Variants in PRDM11 observed in about 807,000 individuals in gnomAD.
PRDM11 encodes the protein PR/SET domain 11, also known as PR domain-containing protein 11.
PRDM11 carries 20 observed loss-of-function variants against 97.8 expected under a neutral mutation model. That is an observed-to-expected ratio of 0.20 (90% CI 0.14 to 0.30). The LOEUF is 0.30. Ranked by LOEUF, PRDM11 falls within the 10% of genes least tolerant of loss-of-function variation. The probability of loss-of-function intolerance (pLI) is 1.00; values close to 1 mark genes in which losing one functional copy is unlikely to be tolerated. For synonymous variants in PRDM11, 599 were observed against 637.7 expected, an observed-to-expected ratio of 0.94 and a Z score of 0.91; for missense variants, 1,139 against 1,555.2, an observed-to-expected ratio of 0.73 and a Z score of 4.50.
At chr11:45,101,202 T>TTCCAGTTA (rs1479690109) in intron 1 of PRDM11, among the ~76,000 whole-genome samples, 1 of 152,146 alleles carries the variant, frequency 6.6e-6, no homozygotes, top group East Asian at 1.9e-4. Context: ...GAGGGGGTGC[T>TTCCAGTTA]GTCAGGCTGC....
intron 1 of PRDM11, among the ~76,000 whole-genome samples, chr11:45,124,196 G>T (rs1348100756): frequency 2.0e-5 from 3 of 151,942 alleles, no homozygotes; most frequent in African/African-American, 7.3e-5. Context: ...CATTGATTTT[G>T]TATCCTGAGA....
rs1158549287 is a variant in PRDM11, at chr11:45,178,655, ATATT to A, written c.-6-3103_-6-3100del. 3.9e-5 allele frequency among the ~76,000 whole-genome samples: 6 copies of A among 152,346 alleles called. No individual in the cohort carries two copies. In the East Asian group the frequency reaches 7.7e-4, roughly 20 times the overall value. ...AGATATGAAGGGGAACATTTGGTGA[ATATT>A]TACTGAGAATATGCTGTGTGCTGGG... On this transcript the variant is annotated intron_variant, in intron 1 of 7. Coordinates refer to ENST00000683152, the MANE Select transcript of PRDM11 (RefSeq NM_001384648.1).
intron 6 of PRDM11, among the ~76,000 whole-genome samples, chr11:45,222,303 T>C (rs959587828): frequency 2.0e-5 from 3 of 152,218 alleles, no homozygotes; most frequent in African/African-American, 7.2e-5. Flanking sequence ...ACAAAGATCA[T>C]ACTAAGAAAT....
At chr11:45,164,551 T>C (rs997892718) in intron 1 of PRDM11, among the ~76,000 whole-genome samples, 3 of 152,230 alleles carry the variant, frequency 2.0e-5, no homozygotes, top group African/African-American at 7.2e-5. Flanking sequence ...TGAGCCCCTC[T>C]TGCAGGTTCT....
At chr11:45,140,344 CAG>C (rs1364585788) in intron 1 of PRDM11, among the ~76,000 whole-genome samples, 1 of 152,172 alleles carries the variant, frequency 6.6e-6, no homozygotes, top group African/African-American at 2.4e-5. Context: ...TGTAGTCCCC[CAG>C]GAGTCAAATA....
chr11:45,175,911 A>G (rs1852316007), intron 1 of PRDM11, among the ~76,000 whole-genome samples: 1 of 152,190 alleles, frequency 6.6e-6, no homozygotes, highest in Admixed American at 6.5e-5. Context: ...TTGAGTATTA[A>G]TGTCTTCATG....
At chr11:45,138,438 T>C (rs1485440148) in intron 1 of PRDM11, among the ~76,000 whole-genome samples, 1 of 152,134 alleles carries the variant, frequency 6.6e-6, no homozygotes, top group Non-Finnish European at 1.5e-5. Flanking sequence ...TATGGCGGCA[T>C]GTGCCTGTAG....
intron 1 of PRDM11, among the ~76,000 whole-genome samples, chr11:45,126,275 C>T (rs1356434196): frequency 6.6e-6 from 1 of 152,022 alleles, no homozygotes; most frequent in African/African-American, 2.4e-5. Flanking sequence ...TCTGATGAGT[C>T]TTGACTCTTT....
chr11:45,103,374 A>G (rs1852011565), intron 1 of PRDM11, among the ~76,000 whole-genome samples: 1 of 152,166 alleles, frequency 6.6e-6, no homozygotes, highest in Admixed American at 6.5e-5. Flanking sequence ...GAGGAAGATG[A>G]GAGGGAGATG....
chr11:45,220,188 G>A (rs953779060), intron 6 of PRDM11, among the ~76,000 whole-genome samples: 11 of 152,136 alleles, frequency 7.2e-5, no homozygotes, highest in African/African-American at 2.2e-4. Flanking sequence ...CTCTACCACC[G>A]TCAGAGGCCT....
intron 1 of PRDM11, among the ~76,000 whole-genome samples, chr11:45,110,911 A>G (rs1852163711): frequency 6.6e-6 from 1 of 152,130 alleles, no homozygotes; most frequent in Non-Finnish European, 1.5e-5. Flanking sequence ...CCAGATTCCA[A>G]TCTAAGAGTC....
Position 45,181,804 on chromosome 11 carries a change from A to T in PRDM11, c.38A>T (p.Asn13Ile). 1 of 1,613,478 alleles carries T rather than the reference A, an allele frequency of 6.2e-7. No homozygotes were observed. The highest frequency in any genetic ancestry group is 2.2e-5 in the East Asian group (1 of 44,846). Residue 13 changes from asparagine (N) to isoleucine (I), a missense_variant, in exon 2 of 8, where the codon AAT becomes ATT. Coordinates refer to ENST00000683152, the MANE Select transcript of PRDM11 (RefSeq NM_001384648.1). ...ENMKECLAQT[N>I]AAVGDMVTVV... ...ATGAAGGAGTGCTTGGCCCAGACCA[A>T]TGCAGCCGTGGGGGATATGGTGACG...
chr11:45,219,902 G>A lies in PRDM11; in HGVS notation c.742+145G>A. On this transcript the variant is annotated intron_variant, in intron 6 of 7. Transcript: ENST00000683152. This position sits in a 1 kb window ranked among gnomAD's most constrained non-coding sequence, Gnocchi z 4.2. Reference sequence around the variant, plus strand: ...TCGGGGGAACAGATGGTTGAGGTCTGAGCAGCAGCTCTGGGCCAAGCAGGG... The same window carrying A: ...TCGGGGGAACAGATGGTTGAGGTCTAAGCAGCAGCTCTGGGCCAAGCAGGG... The A allele has an allele frequency of 1.9e-6, 2 of 1,054,096 alleles. No individual in the cohort carries two copies. Among genetic ancestry groups the A allele is most frequent in the Non-Finnish European group, 2.7e-6 (2 of 752,584 alleles). 65.3% of individuals were successfully genotyped at this position (1,054,096 alleles called of 1,614,324 possible).
intron 1 of PRDM11, among the ~76,000 whole-genome samples, chr11:45,127,735 C>G (rs1280491482): frequency 1.3e-5 from 2 of 152,318 alleles, no homozygotes; most frequent in African/African-American, 4.8e-5. Context: ...GAGGAGTACC[C>G]GGCCCTGTGA....
rs1183339151 is a variant in PRDM11 at position 45,194,590 on chromosome 11, C to CTTTTTTTTTTTTTTTTTTTTT, written c.487-10120_487-10119insTTTTTTTTTTTTTTTTTTTTT. Among the ~76,000 whole-genome samples, 8 of 89,992 alleles carry CTTTTTTTTTTTTTTTTTTTTT rather than the reference C, an allele frequency of 8.9e-5. 4 individuals are homozygous for CTTTTTTTTTTTTTTTTTTTTT. The allele number at this position is 89,992 out of a possible 152,430, so 59.0% of individuals were successfully genotyped here. A position where few individuals can be genotyped will look rare whatever the true frequency, so the allele number is the denominator to read the frequency against. On this transcript the variant is annotated intron_variant, in intron 4 of 7. Coordinates refer to ENST00000683152, the MANE Select transcript of PRDM11 (RefSeq NM_001384648.1). ...AGTACTGTGGGATAGTTATTATCTT[C>CTTTTTTTTTTTTTTTTTTTTT]TGTTTTTTTTTTTTTTTTTTTTTTT...
intron 1 of PRDM11, among the ~76,000 whole-genome samples, chr11:45,120,370 C>T (rs1403737316): frequency 6.6e-6 from 1 of 152,004 alleles, no homozygotes; most frequent in Non-Finnish European, 1.5e-5. Context: ...TTTTATAAAG[C>T]AAGGCAAAAC....
chr11:45,207,650 A>G (rs532043579), intron 5 of PRDM11, among the ~76,000 whole-genome samples: 2 of 152,260 alleles, frequency 1.3e-5, no homozygotes, highest in African/African-American at 4.8e-5. Flanking sequence ...AGTTTTATGG[A>G]GAAGGAGACT....
intron 1 of PRDM11, among the ~76,000 whole-genome samples, chr11:45,151,305 G>T (rs2135684584): frequency 6.6e-6 from 1 of 152,304 alleles, no homozygotes; most frequent in South Asian, 2.1e-4. Flanking sequence ...GCTGACCCTG[G>T]AGCTGTGCTG....
intron 1 of PRDM11, among the ~76,000 whole-genome samples, chr11:45,125,256 G>A (rs1852538873): frequency 6.6e-6 from 1 of 151,930 alleles, no homozygotes. Context: ...CTTGCTAGCG[G>A]TCTATCAATT....
Sources: gnomAD v4.1 joint callset for allele counts (sites outside exome capture counted in the v4.1 genomes callset) on GRCh38, gnomAD v4.1.1 for gene constraint, Gnocchi (gnomAD v3.1) non-coding constraint, MANE v1.5 for transcripts, NCBI Gene and HGNC (gene_info 2026-07-23, HGNC 2026-07-21) for gene names.